FKBP6: variants seen among roughly 807,000 people sequenced by gnomAD.
FKBP6 encodes FKBP prolyl isomerase family member 6 (inactive).
A neutral mutation model predicts 41.7 loss-of-function variants in FKBP6; 29 were observed. The ratio of observed to expected loss-of-function variants is 0.70; its 90% CI spans 0.52 to 0.95. FKBP6 has a LOEUF of 0.95. FKBP6 is among the 40% of genes least tolerant of loss of function. The pLI, the probability that FKBP6 is intolerant of heterozygous loss-of-function variation, is 0.00. For synonymous variants in FKBP6, 130 were observed against 165.1 expected, an observed-to-expected ratio of 0.79 and a Z score of 1.63; for missense variants, 338 against 408.7, an observed-to-expected ratio of 0.83 and a Z score of 1.49.
chr7:73,342,946 G>T, intron 8 of FKBP6, 47 bp downstream of exon 8: 1 of 1,269,104 alleles, frequency 7.9e-7, no homozygotes. Flanking sequence ...ATGGAGAAGC[G>T]TGCTGCTCTC....
chr7:73,355,917 T>C (rs1198334015), intron 8 of FKBP6, among the ~76,000 whole-genome samples: 1 of 151,448 alleles, frequency 6.6e-6, no homozygotes, highest in Non-Finnish European at 1.5e-5. Context: ...ATACAAAAAA[T>C]TAGCTGAGTG....
At chr7:73,353,871 T>A (rs1162470436) in intron 8 of FKBP6, among the ~76,000 whole-genome samples, 2 of 151,960 alleles carry the variant, frequency 1.3e-5, no homozygotes, top group Admixed American at 1.3e-4. Flanking sequence ...GTAGCTGGGA[T>A]TACAGGCGTG....
chr7:73,339,901 C>T (rs985304764), intron 5 of FKBP6, among the ~76,000 whole-genome samples: 1 of 152,210 alleles, frequency 6.6e-6, no homozygotes, highest in Admixed American at 6.5e-5. Flanking sequence ...GCATGAGCCA[C>T]TGTGCCTGGC....
At chr7:73,330,652 T>G (rs1414640313) in intron 4 of FKBP6, among the ~76,000 whole-genome samples, 1 of 152,220 alleles carries the variant, frequency 6.6e-6, no homozygotes, top group Non-Finnish European at 1.5e-5. Context: ...GAACACTTGC[T>G]TTTCATCGTT....
At chr7:73,341,470 T>A in intron 7 of FKBP6, 88 bp downstream of exon 7, 1 of 889,904 alleles carries the variant, frequency 1.1e-6, no homozygotes. Flanking sequence ...AAGGACAGTC[T>A]GGCGGTGTTG....
chr7:73,330,234 C>A lies in FKBP6; in HGVS notation c.350C>A (p.Ala117Asp). 6.2e-7 allele frequency: 1 copy of A among 1,613,958 alleles called. No homozygotes were observed. The highest frequency in any genetic ancestry group is 1.1e-5 in the South Asian group (1 of 91,080). Residue 117 changes from alanine to aspartate, a missense_variant, in exon 4 of 9, where the codon GCC becomes GAC. Physicochemically the swap from Ala to Asp is moderately radical, Grantham distance 126 (BLOSUM62 -2). Transcript: ENST00000252037. ...LARFLFKPNY[A>D]YGTLGCPPLI... is the part of the protein sequence containing the mutation. ...AGGTTTCTGTTCAAACCGAACTACG[C>A]CTATGGAACGCTGGGCTGCCCTCCC...
In FKBP6 at chr7:73,328,207, C is replaced by T. The variant is rs1804693245; in HGVS notation, c.-222C>T. ...TTACGGATCATACCTCGCACCTCACCGCGTGGCCTCTGTAGTTCCAGAGCT... is the reference window on the plus strand; with the variant it reads ...TTACGGATCATACCTCGCACCTCACTGCGTGGCCTCTGTAGTTCCAGAGCT... On this transcript the variant is annotated 5_prime_UTR_variant, in exon 1 of 9. Coordinates refer to ENST00000252037, the MANE Select transcript of FKBP6 (RefSeq NM_003602.5). The T allele has an allele frequency of 7.1e-6, 11 of 1,548,756 alleles. No homozygotes were observed. The Admixed American group carries it at 1.2e-4, about 17-fold the overall frequency.
In FKBP6 at chr7:73,328,464, A is replaced by G. The variant is rs1369124801; in HGVS notation, c.36A>G (p.Glu12=). The change falls in exon 1 of 9, where the codon GAA becomes GAG. Residue 12 remains glutamate, a synonymous_variant. Coordinates refer to ENST00000252037, the MANE Select transcript of FKBP6 (RefSeq NM_003602.5). ...GGSALNQGVL[E]GDDAPGQSLY... ...GCGCGTTAAACCAGGGAGTCCTGGA[A>G]GGGGACGACGCCCCCGGCCAGGTGA... The G allele has an allele frequency of 1.9e-6, 3 of 1,552,812 alleles. No homozygotes were observed. In the East Asian group the frequency reaches 7.2e-5, roughly 37 times the overall value.
Position 73,328,174 on chromosome 7 carries a change from C to T in FKBP6, c.-255C>T. 1 of 1,537,134 alleles carries T rather than the reference C, an allele frequency of 6.5e-7. No homozygotes were observed. Among genetic ancestry groups the T allele is most frequent in the Non-Finnish European group, 8.8e-7 (1 of 1,136,664 alleles). On this transcript the variant is annotated 5_prime_UTR_variant, in exon 1 of 9. Transcript: ENST00000252037. The stretch of plus-strand genomic sequence containing the variant: ...GTTACGTGTCCCATCATGTTTCGTG[C>T]GCTCCCATTACGGATCATACCTCGC...
At chr7:73,357,156 G>T (rs782681338) in intron 8 of FKBP6, among the ~76,000 whole-genome samples, 18 of 152,046 alleles carry the variant, frequency 1.2e-4, no homozygotes, top group Non-Finnish European at 2.5e-4. Context: ...TGTGCCTCAT[G>T]ACCGTAATGG....
chr7:73,329,588 A>G (rs1583794678), intron 3 of FKBP6, 139 bp downstream of exon 3: 3 of 731,826 alleles, frequency 4.1e-6, no homozygotes, highest in East Asian at 2.5e-5. Context: ...TAACACAGCC[A>G]TGTTCTCTCC....
At chr7:73,348,281 T>A (rs919769535) in intron 8 of FKBP6, among the ~76,000 whole-genome samples, 6 of 152,222 alleles carry the variant, frequency 3.9e-5, no homozygotes, top group Middle Eastern at 3.2e-3. Context: ...TTTGTCTTTT[T>A]CATAATGCCA....
At chr7:73,345,102 G>A (rs576748756) in intron 8 of FKBP6, among the ~76,000 whole-genome samples, 2 of 151,894 alleles carry the variant, frequency 1.3e-5, no homozygotes, top group South Asian at 4.2e-4. Context: ...GTTGGACTAA[G>A]TGTGAAATAG....
intron 8 of FKBP6, among the ~76,000 whole-genome samples, chr7:73,350,135 C>T (rs1033448984): frequency 1.3e-5 from 2 of 152,174 alleles, no homozygotes; most frequent in African/African-American, 4.8e-5. Flanking sequence ...AATAGCAAAA[C>T]GATGTGCAGC....
At chr7:73,344,840 C>T (rs1554550081) in intron 8 of FKBP6, among the ~76,000 whole-genome samples, 1 of 152,214 alleles carries the variant, frequency 6.6e-6, no homozygotes, top group African/African-American at 2.4e-5. Context: ...CCGCCTTGGC[C>T]TCCCAAAGTG....
chr7:73,328,699 C>T lies in FKBP6; in HGVS notation c.175+7C>T. The T allele has an allele frequency of 1.2e-6, 2 of 1,611,854 alleles. No homozygotes were observed. The highest frequency in any genetic ancestry group is 1.7e-6 in the Non-Finnish European group (2 of 1,179,814). Reference sequence around the variant, plus strand: ...CCTGATGCTTCGGTGCTAGGTACGCCCTGGGGCGGTTTGTCCTCAGGATCC... The same window carrying T: ...CCTGATGCTTCGGTGCTAGGTACGCTCTGGGGCGGTTTGTCCTCAGGATCC... On this transcript the variant is annotated splice_region_variant and intron_variant, in intron 2 of 8. Transcript: ENST00000252037.
chr7:73,335,332 C>T (rs1051656019), intron 5 of FKBP6, among the ~76,000 whole-genome samples: 8 of 152,156 alleles, frequency 5.3e-5, no homozygotes. Context: ...TCAAAGACAG[C>T]CTGCACACAT....
intron 5 of FKBP6, among the ~76,000 whole-genome samples, chr7:73,337,766 T>A (rs1361964937): frequency 7.2e-5 from 11 of 152,254 alleles, no homozygotes; most frequent in African/African-American, 2.2e-4. Context: ...AAGTGTCCAA[T>A]TCAGTGGTTT....
intron 5 of FKBP6, chr7:73,339,297 A>G (rs868953643): frequency 1.3e-5 from 2 of 152,204 alleles, no homozygotes; most frequent in African/African-American, 4.8e-5. Flanking sequence ...GCATGTTGAT[A>G]GTCTCTCGTC....
Sources: allele counts gnomAD v4.1 joint callset (sites outside exome capture counted in the v4.1 genomes callset), GRCh38; gene constraint gnomAD v4.1.1; transcripts MANE v1.5; gene names NCBI Gene and HGNC (gene_info 2026-07-23, HGNC 2026-07-21).